RABGAP1: variants seen among roughly 807,000 people sequenced by gnomAD.
The protein encoded by RABGAP1 is rab GTPase-activating protein 1.
A neutral mutation model predicts 137.6 loss-of-function variants in RABGAP1; 23 were observed. That is an observed-to-expected ratio of 0.17 (90% CI 0.12 to 0.24). RABGAP1 has a LOEUF of 0.24. RABGAP1 is among the 10% of genes least tolerant of loss of function. The probability of loss-of-function intolerance (pLI) is 1.00; values close to 1 mark genes in which losing one functional copy is unlikely to be tolerated. For missense variants in RABGAP1, 906 were observed against 1,275.8 expected, an observed-to-expected ratio of 0.71 and a Z score of 4.42; for synonymous variants, 451 against 450.7, an observed-to-expected ratio of 1.00 and a Z score of -0.01.
intron 2 of RABGAP1, among the ~76,000 whole-genome samples, chr9:122,961,749 G>A (rs923317778): frequency 6.6e-6 from 1 of 152,026 alleles, no homozygotes; most frequent in Non-Finnish European, 1.5e-5. Context: ...ATAAATCTTA[G>A]TATATTTACT....
rs548963929 is a variant in RABGAP1 at position 122,991,133 on chromosome 9, A to G, written c.923+920A>G. 2.3e-4 allele frequency among the ~76,000 whole-genome samples: 35 copies of G among 151,946 alleles called. No individual in the cohort carries two copies. In the South Asian group the frequency reaches 5.4e-3, roughly 23 times the overall value. ...GTCAAAACTTAGCTTTAGTTTAATT[A>G]TTGTTACTATTAACAGTGTCCCCAT... On this transcript the variant is annotated intron_variant, in intron 6 of 25. Coordinates refer to ENST00000373647, the MANE Select transcript of RABGAP1 (RefSeq NM_012197.4).
intron 21 of RABGAP1, among the ~76,000 whole-genome samples, chr9:123,092,390 T>C (rs894020613): frequency 2.0e-5 from 3 of 152,204 alleles, no homozygotes; most frequent in Non-Finnish European, 4.4e-5. Flanking sequence ...ATGATAAGCA[T>C]TTTACTAAAC....
chr9:123,091,666 C>A (rs958006707), intron 21 of RABGAP1, among the ~76,000 whole-genome samples: 1 of 151,772 alleles, frequency 6.6e-6, no homozygotes, highest in African/African-American at 2.4e-5. Context: ...TTGTTAGCGC[C>A]CTCTGCTTGT....
rs2035412528 is a variant in RABGAP1 at position 123,103,623 on chromosome 9, A to ATATATATATATATATATG, written c.*424_*425insTATGTATATATATATATA. 4.4e-5 allele frequency: 4 copies of ATATATATATATATATATG among 90,878 alleles called. No homozygotes were observed. The highest frequency in any genetic ancestry group is 8.1e-5 in the Non-Finnish European group (4 of 49,416). 5.6% of individuals were successfully genotyped at this position (90,878 alleles called of 1,614,324 possible). ...TATATATATATATATATATATATAT[A>ATATATATATATATATATG]TATATATATATATAGTGGGGGTGGG... is the stretch of plus-strand genomic sequence containing the variant. On this transcript the variant is annotated 3_prime_UTR_variant, in exon 26 of 26. Transcript: ENST00000373647.
intron 19 of RABGAP1, among the ~76,000 whole-genome samples, chr9:123,085,132 T>C (rs2034826711): frequency 6.6e-6 from 1 of 152,206 alleles, no homozygotes; most frequent in Non-Finnish European, 1.5e-5. Flanking sequence ...TAATGACAAG[T>C]GAGTGACCAA....
At chr9:123,057,749 C>T (rs1349045300) in intron 13 of RABGAP1, among the ~76,000 whole-genome samples, 1 of 152,230 alleles carries the variant, frequency 6.6e-6, no homozygotes, top group Non-Finnish European at 1.5e-5. Flanking sequence ...CCACTGCACT[C>T]CAGCCTGGGC....
chr9:123,083,057 A>G (rs2034762483), intron 19 of RABGAP1, among the ~76,000 whole-genome samples: 1 of 152,214 alleles, frequency 6.6e-6, no homozygotes, highest in African/African-American at 2.4e-5. Context: ...TGACCATATG[A>G]GGGCCTTTTA....
Position 122,961,303 on chromosome 9 carries a change from A to G in RABGAP1, c.150+4094A>G, listed in dbSNP as rs79378787. 1.2e-4 allele frequency among the ~76,000 whole-genome samples: 18 copies of G among 152,324 alleles called. No individual in the cohort carries two copies. In the East Asian group the frequency reaches 3.3e-3, roughly 28 times the overall value. On this transcript the variant is annotated intron_variant, in intron 2 of 25. Coordinates refer to ENST00000373647, the MANE Select transcript of RABGAP1 (RefSeq NM_012197.4). ...AACTGACTCATCAACTTACAAGGGA[A>G]CCTGCCCATAAGATTTATAGCTAAC...
At chr9:122,942,669 C>CAAAAAAAA (rs10660327) in intron 1 of RABGAP1, among the ~76,000 whole-genome samples, 1,420 of 87,364 alleles carry the variant, frequency 0.016, 144 homozygotes, top group Non-Finnish European at 0.023. Context: ...GACTCCGTCT[C>CAAAAAAAA]AAAAAAAAAA....
chr9:123,098,901 T>G, intron 23 of RABGAP1, 103 bp downstream of exon 23: 1 of 616,494 alleles, frequency 1.6e-6, no homozygotes, highest in Non-Finnish European at 2.8e-6. Flanking sequence ...GCAAGCACCC[T>G]GGTTTCAGAT....
At chr9:122,980,504 G>A (rs1297984834) in intron 2 of RABGAP1, among the ~76,000 whole-genome samples, 1 of 152,198 alleles carries the variant, frequency 6.6e-6, no homozygotes, top group African/African-American at 2.4e-5. Flanking sequence ...AAGAGAGAAA[G>A]GGGGTGACAC....
intron 24 of RABGAP1, among the ~76,000 whole-genome samples, chr9:123,100,059 A>G (rs112512576): frequency 3.3e-5 from 5 of 152,112 alleles, no homozygotes; most frequent in African/African-American, 1.2e-4. Context: ...CCTGGGCTCA[A>G]GCGAAATCCC....
chr9:122,953,647 C>T (rs1376337773), intron 1 of RABGAP1, among the ~76,000 whole-genome samples: 1 of 152,200 alleles, frequency 6.6e-6, no homozygotes, highest in Non-Finnish European at 1.5e-5. Context: ...GATCCACCCG[C>T]CTTGACCTCC....
intron 7 of RABGAP1, 93 bp from the exon 8 acceptor site, chr9:122,996,442 TTTTC>T (rs1181844304): frequency 1.6e-6 from 2 of 1,249,228 alleles, no homozygotes; most frequent in Non-Finnish European, 2.2e-6. Flanking sequence ...ATGTGTTCTC[TTTTC>T]TATCAGCAAG....
In RABGAP1 at chr9:123,017,229, T is replaced by A. The variant is rs1458686718; in HGVS notation, c.1643+1593T>A. Reference sequence around the variant, plus strand: ...AGTTTTGACATGGTTACATAATATATTTAAAATCATGTAGATATAGCATTA... The same window carrying A: ...AGTTTTGACATGGTTACATAATATAATTAAAATCATGTAGATATAGCATTA... On this transcript the variant is annotated intron_variant, in intron 12 of 25. Coordinates refer to ENST00000373647, the MANE Select transcript of RABGAP1 (RefSeq NM_012197.4). Among the ~76,000 whole-genome samples the A allele has an allele frequency of 2.0e-5, 3 of 152,210 alleles. No individual in the cohort carries two copies. The East Asian group carries it at 5.8e-4, about 29-fold the overall frequency.
At chr9:123,034,891 G>T in intron 13 of RABGAP1, 1 of 1,613,764 alleles carries the variant, frequency 6.2e-7, no homozygotes, top group Non-Finnish European at 8.5e-7. Flanking sequence ...TGGTTTTGTA[G>T]TATCAGTTCT....
chr9:122,956,146 T>A (rs954823626), intron 1 of RABGAP1, among the ~76,000 whole-genome samples: 5 of 152,210 alleles, frequency 3.3e-5, no homozygotes, highest in African/African-American at 1.2e-4. Context: ...AGCTGAGTTC[T>A]AAGAAACTGT....
intron 19 of RABGAP1, among the ~76,000 whole-genome samples, chr9:123,086,247 G>T (rs567441828): frequency 6.6e-6 from 1 of 152,326 alleles, no homozygotes; most frequent in African/African-American, 2.4e-5. Context: ...CCAGGCAGAA[G>T]GAGCATGCTT....
intron 3 of RABGAP1, 81 bp from the exon 4 acceptor site, chr9:122,986,134 C>G (rs192862324): frequency 9.1e-6 from 12 of 1,311,978 alleles, no homozygotes; most frequent in Admixed American, 3.7e-5. Flanking sequence ...TTAAATGTTA[C>G]TTGCAGATTT....
Sources: gnomAD v4.1 joint callset for allele counts (sites outside exome capture counted in the v4.1 genomes callset) on GRCh38, gnomAD v4.1.1 for gene constraint, MANE v1.5 for transcripts, NCBI Gene and HGNC (gene_info 2026-07-23, HGNC 2026-07-21) for gene names.